Variants in TRAPPC12 observed in about 807,000 individuals in gnomAD.
TRAPPC12 encodes trafficking protein particle complex subunit 12.
Under a neutral mutation model 69.2 loss-of-function variants are expected in TRAPPC12, and 61 were observed. The observed-to-expected ratio is 0.88, with a 90% confidence interval of 0.72 to 1.09. The LOEUF is 1.09. TRAPPC12 is among the 50% of genes least tolerant of loss of function. The probability of loss-of-function intolerance (pLI) is 0.00; values close to 1 mark genes in which losing one functional copy is unlikely to be tolerated. For missense variants in TRAPPC12, 1,101 were observed against 1,016.4 expected (o/e 1.08, Z -1.13); for synonymous variants, 469 against 438.9 (o/e 1.07, Z -0.86).
At chr2:3,388,730 C>A (rs1660653279) in intron 2 of TRAPPC12, 60 bp downstream of exon 2, 6 of 1,425,524 alleles carry the variant, frequency 4.2e-6, no homozygotes, top group Non-Finnish European at 9.3e-7. Context: ...GTGAGATACG[C>A]ACAGTGCCCC....
chr2:3,401,346 C>T (rs1038886800), intron 2 of TRAPPC12, among the ~76,000 whole-genome samples: 11 of 152,314 alleles, frequency 7.2e-5, no homozygotes, highest in East Asian at 1.9e-4. Flanking sequence ...CCTGCACCAG[C>T]GCGAGGCTGG....
At chr2:3,471,372 C>A (rs180870181) in intron 9 of TRAPPC12, among the ~76,000 whole-genome samples, 57 of 152,298 alleles carry the variant, frequency 3.7e-4, no homozygotes, top group African/African-American at 1.0e-3. Flanking sequence ...TCGGCCTCGT[C>A]CCGCAGGCAG....
chr2:3,398,845 C>CT lies in TRAPPC12; in HGVS notation c.1048-2932_1048-2931insT, dbSNP rs1661266905. On this transcript the variant is annotated intron_variant, in intron 2 of 11. Coordinates refer to ENST00000324266, the MANE Select transcript of TRAPPC12 (RefSeq NM_016030.6). ...TTCCTTCGTGTTCCCTGAACCTTGC[C>CT]CTGGATAAAGTAGACCCTCACTGAA... 3.3e-5 allele frequency among the ~76,000 whole-genome samples: 5 copies of CT among 152,324 alleles called. No homozygotes were observed. The South Asian group carries it at 1.0e-3, about 32-fold the overall frequency.
intron 3 of TRAPPC12, among the ~76,000 whole-genome samples, chr2:3,405,790 A>G (rs1047370588): frequency 2.0e-5 from 3 of 152,226 alleles, no homozygotes; most frequent in African/African-American, 4.8e-5. Context: ...AAAGAAGTAT[A>G]TATTCCAGAT....
intron 9 of TRAPPC12, among the ~76,000 whole-genome samples, chr2:3,471,198 C>G (rs978368616): frequency 6.6e-6 from 1 of 152,210 alleles, no homozygotes; most frequent in African/African-American, 2.4e-5. Flanking sequence ...GAATAGCAAT[C>G]CTTATTCTTT....
At chr2:3,458,549 T>G (rs2103135757) in intron 7 of TRAPPC12, 1 of 730,032 alleles carries the variant, frequency 1.4e-6, no homozygotes, top group Admixed American at 6.2e-5. Flanking sequence ...ATGTTGGGTG[T>G]GCATGCTGTG....
chr2:3,438,190 TCCCCACCACCCCTGGATTCATC>T (rs1158746243), intron 5 of TRAPPC12, among the ~76,000 whole-genome samples: 13 of 27,864 alleles, frequency 4.7e-4, no homozygotes, highest in Non-Finnish European at 7.3e-4. Context: ...CCTGGATTAA[TCCCCACCACCCCTGGATTCATC>T]CCCCACCACC....
intron 2 of TRAPPC12, among the ~76,000 whole-genome samples, chr2:3,389,245 G>C (rs1220989286): frequency 6.6e-6 from 1 of 152,238 alleles, no homozygotes; most frequent in African/African-American, 2.4e-5. Flanking sequence ...CCCTGCCCAG[G>C]CCTCTCTCGG....
intron 2 of TRAPPC12, among the ~76,000 whole-genome samples, chr2:3,391,289 C>G (rs556565193): frequency 6.6e-6 from 1 of 152,130 alleles, no homozygotes; most frequent in Non-Finnish European, 1.5e-5. Context: ...CTTACCCACT[C>G]CTGAACCCAC....
chr2:3,416,474 A>G (rs1252051747), intron 3 of TRAPPC12, among the ~76,000 whole-genome samples: 7 of 144,864 alleles, frequency 4.8e-5, no homozygotes, highest in East Asian at 2.1e-4. Flanking sequence ...GCACACCCCT[A>G]CCCCTTCACT....
intron 5 of TRAPPC12, among the ~76,000 whole-genome samples, chr2:3,431,031 C>G (rs1250399369): frequency 6.6e-6 from 1 of 152,094 alleles, no homozygotes; most frequent in African/African-American, 2.4e-5. Context: ...CTGGGAGATG[C>G]GGTGTTGGGA....
rs1475995287 is a variant in TRAPPC12 at position 3,388,718 on chromosome 2, C to T, written c.1047+48C>T. The T allele has an allele frequency of 3.4e-6, 5 of 1,465,902 alleles. No homozygotes were observed. The African/African-American group carries it at 7.0e-5, about 20-fold the overall frequency. The allele number at this position is 1,465,902 out of a possible 1,614,324, so 90.8% of individuals were successfully genotyped here. ...CGCAGCCCGTGCCTCCTCTCTGCGT[C>T]TGTGAGATACGCACAGTGCCCCTTT... On this transcript the variant is annotated intron_variant, in intron 2 of 11. Coordinates refer to ENST00000324266, the MANE Select transcript of TRAPPC12 (RefSeq NM_016030.6).
At chr2:3,462,864 AGTAT>A (rs1322219470) in intron 8 of TRAPPC12, 1 of 469,194 alleles carries the variant, frequency 2.1e-6, no homozygotes, top group Admixed American at 2.4e-5. Flanking sequence ...ACAGCTCGCC[AGTAT>A]GCACATCAGA....
intron 4 of TRAPPC12, 120 bp downstream of exon 4, chr2:3,422,114 TCTC>T: frequency 1.3e-6 from 1 of 772,968 alleles, no homozygotes; most frequent in Non-Finnish European, 2.1e-6. Context: ...TGCTTCTTTC[TCTC>T]CTAATTATAT....
intron 2 of TRAPPC12, among the ~76,000 whole-genome samples, chr2:3,398,952 G>A (rs1487159504): frequency 6.6e-6 from 1 of 152,164 alleles, no homozygotes; most frequent in African/African-American, 2.4e-5. Flanking sequence ...GAAAGCCCTG[G>A]GGGAAGTTCC....
chr2:3,407,333 C>T (rs1351623548), intron 3 of TRAPPC12, among the ~76,000 whole-genome samples: 1 of 152,114 alleles, frequency 6.6e-6, no homozygotes, highest in African/African-American at 2.4e-5. Flanking sequence ...GACCCTGTAT[C>T]GTACTCCTAG....
At chr2:3,445,603 A>G (rs1664463787) in intron 6 of TRAPPC12, among the ~76,000 whole-genome samples, 1 of 152,246 alleles carries the variant, frequency 6.6e-6, no homozygotes, top group Admixed American at 6.5e-5. Flanking sequence ...CCTTATCACA[A>G]CCCTATGAAG....
chr2:3,427,857 C>T (rs1027664942), intron 5 of TRAPPC12, among the ~76,000 whole-genome samples: 7 of 151,906 alleles, frequency 4.6e-5, no homozygotes, highest in African/African-American at 1.7e-4. Flanking sequence ...CATACCACTG[C>T]ACTCCAGCCT....
intron 1 of TRAPPC12, among the ~76,000 whole-genome samples, chr2:3,380,886 A>G (rs1267811632): frequency 6.6e-6 from 1 of 152,200 alleles, no homozygotes; most frequent in Non-Finnish European, 1.5e-5. Context: ...CTGATGTACC[A>G]TCTAAAAGAT....
Sources: gnomAD v4.1 joint callset for allele counts (sites outside exome capture counted in the v4.1 genomes callset) on GRCh38, gnomAD v4.1.1 for gene constraint, MANE v1.5 for transcripts, NCBI Gene and HGNC (gene_info 2026-07-23, HGNC 2026-07-21) for gene names.